NUCKS1: variants seen among roughly 807,000 people sequenced by gnomAD.
NUCKS1 encodes the protein nuclear casein kinase and cyclin dependent kinase substrate 1, also known as nuclear ubiquitous casein and cyclin-dependent kinase substrate 1.
NUCKS1 carries 2 observed loss-of-function variants against 33.0 expected under a neutral mutation model. The ratio of observed to expected loss-of-function variants is 0.06; its 90% CI spans 0.02 to 0.19. NUCKS1 has a LOEUF of 0.19. NUCKS1 is among the 10% of genes least tolerant of loss of function. The probability of loss-of-function intolerance (pLI) is 1.00; values close to 1 mark genes in which losing one functional copy is unlikely to be tolerated. For missense variants in NUCKS1, 201 were observed against 293.6 expected (o/e 0.68, Z 2.31); for synonymous variants, 106 against 102.8 (o/e 1.03, Z -0.19).
chr1:205,725,622 C>T (rs963966105), intron 3 of NUCKS1, among the ~76,000 whole-genome samples: 5 of 151,996 alleles, frequency 3.3e-5, no homozygotes, highest in African/African-American at 1.2e-4. Context: ...TCTTTAAGTA[C>T]CACTACAGCA....
At chr1:205,747,983 T>C (rs889175756) in intron 1 of NUCKS1, among the ~76,000 whole-genome samples, 1 of 151,912 alleles carries the variant, frequency 6.6e-6, no homozygotes, top group East Asian at 1.9e-4. Flanking sequence ...AATTAATAAT[T>C]TGAAAATGGC....
chr1:205,740,384 A>G (rs11809273), intron 1 of NUCKS1, among the ~76,000 whole-genome samples: 3,118 of 152,078 alleles, frequency 0.021, 45 homozygotes, highest in African/African-American at 0.028. Flanking sequence ...TCTGGGAGGC[A>G]GAGATGGCAG....
chr1:205,731,170 T>C (rs1653900727), intron 1 of NUCKS1: 1 of 152,224 alleles, frequency 6.6e-6, no homozygotes, highest in Non-Finnish European at 1.5e-5. Context: ...TATTTGACTC[T>C]ATTCTTTTGT....
intron 2 of NUCKS1, among the ~76,000 whole-genome samples, chr1:205,729,097 T>A (rs1168728104): frequency 2.6e-5 from 4 of 152,178 alleles, no homozygotes; most frequent in Admixed American, 2.6e-4. Flanking sequence ...GCCTCCAGAG[T>A]AGCTGGGATT....
chr1:205,743,391 G>A (rs1654230368), intron 1 of NUCKS1, among the ~76,000 whole-genome samples: 1 of 152,070 alleles, frequency 6.6e-6, no homozygotes, highest in South Asian at 2.1e-4. Flanking sequence ...CTGATACCCA[G>A]GGCTTCTTTT....
chr1:205,719,707 C>G, intron 5 of NUCKS1, 31 bp from the exon 6 acceptor site: 1 of 1,601,104 alleles, frequency 6.2e-7, no homozygotes, highest in Non-Finnish European at 8.5e-7. Flanking sequence ...CAACATCTAA[C>G]TTAATGTACA....
At chr1:205,742,292 G>A (rs1259351964) in intron 1 of NUCKS1, among the ~76,000 whole-genome samples, 2 of 152,202 alleles carry the variant, frequency 1.3e-5, no homozygotes, top group African/African-American at 4.8e-5. Context: ...CACCTAAGAA[G>A]CACCTGAAAA....
At chr1:205,731,890 C>T (rs1005283213) in intron 1 of NUCKS1, among the ~76,000 whole-genome samples, 4 of 144,802 alleles carry the variant, frequency 2.8e-5, no homozygotes, top group Admixed American at 6.9e-5. Flanking sequence ...AGAGAGACTC[C>T]GTCTCAAAAA....
intron 1 of NUCKS1, among the ~76,000 whole-genome samples, chr1:205,739,917 T>C (rs1558055192): frequency 6.6e-6 from 1 of 151,790 alleles, no homozygotes; most frequent in South Asian, 2.1e-4. Flanking sequence ...AGTAGCTTCA[T>C]TTATCTTGAC....
In NUCKS1 at chr1:205,724,500, C is replaced by G. The variant is rs1453088426; in HGVS notation, c.174-519G>C. On this transcript the variant is annotated intron_variant, in intron 3 of 6. Transcript: ENST00000367142. Reference sequence around the variant, plus strand: ...CTGGAGGCCAGGAGTTCAAGACCAGCCTGGCTAACATGGTGAAACCCTGTC... The same window carrying G: ...CTGGAGGCCAGGAGTTCAAGACCAGGCTGGCTAACATGGTGAAACCCTGTC... 2.0e-5 allele frequency among the ~76,000 whole-genome samples: 3 copies of G among 152,132 alleles called. No homozygotes were observed. In the South Asian group the frequency reaches 6.2e-4, roughly 32 times the overall value.
chr1:205,729,383 T>C (rs1271205138), intron 2 of NUCKS1, among the ~76,000 whole-genome samples, 189 bp downstream of exon 2: 1 of 152,256 alleles, frequency 6.6e-6, no homozygotes. Flanking sequence ...ATCAATGATT[T>C]ACCAAGGAAA....
intron 3 of NUCKS1, 65 bp downstream of exon 3, chr1:205,727,635 C>T: frequency 9.5e-7 from 1 of 1,055,848 alleles, no homozygotes; most frequent in Admixed American, 1.7e-5. Flanking sequence ...ATTTAGAGAT[C>T]AGAGACTGCT....
In NUCKS1 at chr1:205,718,372, TTTCCGG is replaced by T. The variant is rs754391348; in HGVS notation, c.634_639del (p.Pro212_Glu213del). On this transcript the variant is annotated inframe_deletion, in exon 7 of 7. Coordinates refer to ENST00000367142, the MANE Select transcript of NUCKS1 (RefSeq NM_022731.5). Reference sequence around the variant, plus strand: ...GTAGATGTTTTCTTTTCTGGCGGGCTTTCCGGTTCCTCATCTTCTTCTTTGGGAGAA... The same window carrying T: ...GTAGATGTTTTCTTTTCTGGCGGGCTTTCCTCATCTTCTTCTTTGGGAGAA... The T allele has an allele frequency of 1.2e-6, 2 of 1,613,826 alleles. No individual in the cohort carries two copies. The highest frequency in any genetic ancestry group is 1.7e-6 in the Non-Finnish European group (2 of 1,179,994).
chr1:205,735,423 C>T (rs947982912), intron 1 of NUCKS1, among the ~76,000 whole-genome samples: 2 of 152,192 alleles, frequency 1.3e-5, no homozygotes, highest in African/African-American at 2.4e-5. Context: ...AAATGCAGTT[C>T]TCAGAATGTA....
chr1:205,724,347 T>TA (rs1238252156), intron 3 of NUCKS1, among the ~76,000 whole-genome samples: 1 of 152,084 alleles, frequency 6.6e-6, no homozygotes. Flanking sequence ...TGATGGCAAA[T>TA]AAAGATCACT....
chr1:205,727,667 T>C, intron 3 of NUCKS1, 33 bp downstream of exon 3: 1 of 1,380,050 alleles, frequency 7.2e-7, no homozygotes, highest in South Asian at 1.2e-5. Context: ...GTGGTAACAG[T>C]GTAAGCAGGA....
intron 3 of NUCKS1, among the ~76,000 whole-genome samples, chr1:205,724,436 G>A (rs1204497644): frequency 1.3e-5 from 2 of 152,250 alleles, no homozygotes; most frequent in Admixed American, 6.5e-5. Flanking sequence ...GCTCACGCCT[G>A]TAATCTCAGC....
At chr1:205,718,761 T>G (rs1192374198) in intron 6 of NUCKS1, among the ~76,000 whole-genome samples, 3 of 152,222 alleles carry the variant, frequency 2.0e-5, no homozygotes, top group Non-Finnish European at 2.9e-5. Context: ...AGCACCATGC[T>G]ATAGAATATG....
intron 1 of NUCKS1, among the ~76,000 whole-genome samples, chr1:205,747,795 T>C (rs549294219): frequency 6.6e-6 from 1 of 152,382 alleles, no homozygotes; most frequent in South Asian, 2.1e-4. Flanking sequence ...TCTTCAATTA[T>C]ACTTTGAAAC....
Sources: allele counts gnomAD v4.1 joint callset (sites outside exome capture counted in the v4.1 genomes callset), GRCh38; gene constraint gnomAD v4.1.1; transcripts MANE v1.5; gene names NCBI Gene and HGNC (gene_info 2026-07-23, HGNC 2026-07-21).